STX1B: variants seen among roughly 807,000 people sequenced by gnomAD.
The protein encoded by STX1B is syntaxin 1B, also known as syntaxin-1B.
A neutral mutation model predicts 39.4 loss-of-function variants in STX1B; 7 were observed. The observed-to-expected ratio is 0.18, with a 90% confidence interval of 0.10 to 0.33. STX1B has a LOEUF of 0.33. Ranked by LOEUF, STX1B falls within the 10% of genes least tolerant of loss-of-function variation. STX1B has a pLI of 1.00. For missense variants in STX1B, 198 were observed against 383.2 expected (o/e 0.52, Z 4.04); for synonymous variants, 136 against 144.1 (o/e 0.94, Z 0.40).
At position 31,001,310 on chromosome 16, in the gene STX1B, G is replaced by A; in HGVS notation, c.106-117C>T. 9.5e-7 allele frequency: 1 copy of A among 1,050,748 alleles called. No individual in the cohort carries two copies. Among genetic ancestry groups the A allele is most frequent in the Non-Finnish European group, 1.4e-6 (1 of 699,348 alleles). 65.1% of individuals were successfully genotyped at this position (1,050,748 alleles called of 1,614,324 possible). On this transcript the variant is annotated intron_variant, in intron 2 of 9. Transcript: ENST00000215095. The surrounding 1 kb of genome is among the most constrained non-coding windows in gnomAD (Gnocchi z 5.5). ...CCCCAGAACGGCTGATAAAAGGCCA[G>A]GGAGGGTGCAGGAGCAGGGAAGTGG...
intron 6 of STX1B, 88 bp from the exon 7 acceptor site, chr16:30,996,844 C>A: frequency 1.3e-6 from 2 of 1,571,326 alleles, no homozygotes; most frequent in Non-Finnish European, 1.7e-6. Context: ...GGGGCCCACC[C>A]TCCCACGCCG....
Position 30,992,456 on chromosome 16 carries a change from C to T in STX1B, c.*365G>A. The T allele has an allele frequency of 4.0e-6, 1 of 248,358 alleles. No individual in the cohort carries two copies. Among genetic ancestry groups the T allele is most frequent in the Non-Finnish European group, 7.9e-6 (1 of 126,916 alleles). The allele number at this position is 248,358 out of a possible 1,614,324, so 15.4% of individuals were successfully genotyped here. ...CTTGGCTGCAGTCTACACAACAGCC[C>T]CGGTGAAGGGGGAAGCTCAGACCAC... On this transcript the variant is annotated 3_prime_UTR_variant, in exon 10 of 10. Transcript: ENST00000215095.
rs952197364 is a variant in STX1B at position 31,001,924 on chromosome 16, A to G, written c.31-321T>C. Reference sequence around the variant, plus strand: ...AACAACGGCTCAACGTCAGGCTTGCAGTAACTGACCCTGGGCTCCATGAAG... The same window carrying G: ...AACAACGGCTCAACGTCAGGCTTGCGGTAACTGACCCTGGGCTCCATGAAG... On this transcript the variant is annotated intron_variant, in intron 1 of 9. Coordinates refer to ENST00000215095, the MANE Select transcript of STX1B (RefSeq NM_052874.5). The surrounding 1 kb of genome is among the most constrained non-coding windows in gnomAD (Gnocchi z 5.5). Among the ~76,000 whole-genome samples, 1 of 152,128 alleles carries G rather than the reference A, an allele frequency of 6.6e-6. No individual in the cohort carries two copies. The highest frequency in any genetic ancestry group is 2.4e-5 in the African/African-American group (1 of 41,422).
At chr16:30,997,865 A>G (rs1191583936) in intron 4 of STX1B, among the ~76,000 whole-genome samples, 2 of 152,218 alleles carry the variant, frequency 1.3e-5, no homozygotes, top group African/African-American at 2.4e-5. Context: ...TGGGTCTTGG[A>G]AAGTCCCATC....
chr16:31,004,592 G>A (rs1329716553), intron 1 of STX1B, among the ~76,000 whole-genome samples: 4 of 151,848 alleles, frequency 2.6e-5, no homozygotes, highest in African/African-American at 4.8e-5. Context: ...GAGGATCCCC[G>A]GAGCTCAGGA....
Position 30,993,226 on chromosome 16 carries a change from G to A in STX1B, c.690C>T (p.Asp230=), listed in dbSNP as rs2056573021. The change falls in exon 9 of 10, where the codon GAC becomes GAT. Residue 230 remains aspartate, a synonymous_variant. Coordinates refer to ENST00000215095, the MANE Select transcript of STX1B (RefSeq NM_052874.5). ...MLVESQGEMI[D]RIEYNVEHSV... ...AATGTTCCACGTTGTACTCGATGCG[G>A]TCAATCATCTCTCCCTGCAGACAGA... is the stretch of plus-strand genomic sequence containing the variant. The A allele has an allele frequency of 2.5e-6, 4 of 1,614,092 alleles. No homozygotes were observed. Among genetic ancestry groups the A allele is most frequent in the Non-Finnish European group, 3.4e-6 (4 of 1,180,038 alleles).
intron 6 of STX1B, 64 bp downstream of exon 6, chr16:30,996,887 T>C (rs1596716744): frequency 6.4e-6 from 10 of 1,562,572 alleles, no homozygotes; most frequent in Non-Finnish European, 8.8e-6. Flanking sequence ...AGAGAGGAAA[T>C]GCCTGGAAGG....
At chr16:30,996,596 G>A (rs2056593324) in intron 7 of STX1B, 87 bp downstream of exon 7, 1 of 1,211,130 alleles carries the variant, frequency 8.3e-7, no homozygotes, top group Admixed American at 1.9e-5. Context: ...TTTTTCCAGG[G>A]TGGACTTAGG....
rs976130868 is a variant in STX1B, at chr16:30,995,034, C to T, written c.538-1550G>A. 2.0e-5 allele frequency among the ~76,000 whole-genome samples: 3 copies of T among 151,734 alleles called. No individual in the cohort carries two copies. The East Asian group carries it at 5.8e-4, about 29-fold the overall frequency. On this transcript the variant is annotated intron_variant, in intron 7 of 9. Coordinates refer to ENST00000215095, the MANE Select transcript of STX1B (RefSeq NM_052874.5). Reference sequence around the variant, plus strand: ...TCAGGCAATCCTTCCACCTTAGCCTCCCGAGTAGCTGGGACCACAGGCACA... The same window carrying T: ...TCAGGCAATCCTTCCACCTTAGCCTTCCGAGTAGCTGGGACCACAGGCACA...
In STX1B at chr16:31,010,377, T is replaced by A; in HGVS notation, c.20A>T (p.Glu7Val). 1 of 1,465,070 alleles carries A rather than the reference T, an allele frequency of 6.8e-7. No homozygotes were observed. Among genetic ancestry groups the A allele is most frequent in the East Asian group, 2.6e-5 (1 of 38,394 alleles). The allele number at this position is 1,465,070 out of a possible 1,614,324, so 90.8% of individuals were successfully genotyped here. A position where few individuals can be genotyped will look rare whatever the true frequency, so the allele number is the denominator to read the frequency against. ...CACCCCCAAGCTCACACTCCGCAGC[T>A]CTTGAGTCCGATCCTTCATCCTGCG... is the stretch of plus-strand genomic sequence containing the variant. Reference protein sequence around the residue: MKDRTQELRSAKDSDDE... With the variant: MKDRTQVLRSAKDSDDE... Residue 7 changes from glutamate (E) to valine (V), a missense_variant, in exon 1 of 10, where the codon GAG (glutamate) becomes GTG (valine). Coordinates refer to ENST00000215095, the MANE Select transcript of STX1B (RefSeq NM_052874.5).
Position 31,001,580 on chromosome 16 carries a change from C to T in STX1B, c.54G>A (p.Glu18=), listed in dbSNP as rs763031966. ...LRSAKDSDDE[E]EVVHVDRDHF... ...GGTCCCGATCCACGTGGACCACCTC[C>T]TCTTCATCATCACTGTCTTTCGCCT... The change falls in exon 2 of 10, where the codon GAG becomes GAA. Residue 18 remains glutamate (E), a synonymous_variant. Coordinates refer to ENST00000215095, the MANE Select transcript of STX1B (RefSeq NM_052874.5). This position sits in a 1 kb window ranked among gnomAD's most constrained non-coding sequence, Gnocchi z 5.5. The T allele has an allele frequency of 2.5e-6, 4 of 1,613,544 alleles. No individual in the cohort carries two copies. Among genetic ancestry groups the T allele is most frequent in the South Asian group, 1.1e-5 (1 of 91,074 alleles).
intron 4 of STX1B, among the ~76,000 whole-genome samples, chr16:31,000,612 C>A (rs1393323727): frequency 6.6e-6 from 1 of 152,062 alleles, no homozygotes; most frequent in Non-Finnish European, 1.5e-5. Flanking sequence ...CTGCCTCAGC[C>A]TCCTGAGTAG....
intron 5 of STX1B, 43 bp from the exon 6 acceptor site, chr16:30,997,102 A>G (rs1421092677): frequency 3.6e-6 from 5 of 1,389,710 alleles, no homozygotes; most frequent in Non-Finnish European, 4.1e-6. Flanking sequence ...GGAGGTAGTC[A>G]GGGATCAGGG....
chr16:30,997,700 C>T, intron 4 of STX1B, 125 bp from the exon 5 acceptor site: 1 of 894,898 alleles, frequency 1.1e-6, no homozygotes. Context: ...ATCCCCAGGG[C>T]GAGTTGCGGG....
intron 4 of STX1B, among the ~76,000 whole-genome samples, chr16:30,998,131 C>T (rs1192519193): frequency 6.6e-6 from 1 of 152,236 alleles, no homozygotes; most frequent in Non-Finnish European, 1.5e-5. Flanking sequence ...GTAAGGTGAT[C>T]CCCGATCCGG....
intron 4 of STX1B, 40 bp from the exon 5 acceptor site, chr16:30,997,615 G>A: frequency 3.2e-6 from 5 of 1,564,958 alleles, no homozygotes; most frequent in Non-Finnish European, 4.3e-6. Flanking sequence ...GGAGACCCGG[G>A]GCACATGGGG....
Position 31,001,594 on chromosome 16 carries a change from T to C in STX1B, c.40A>G (p.Ser14Gly), listed in dbSNP as rs1372043206. The C allele has an allele frequency of 6.2e-7, 1 of 1,613,366 alleles. No individual in the cohort carries two copies. The highest frequency in any genetic ancestry group is 8.5e-7 in the Non-Finnish European group (1 of 1,179,792). The part of the protein sequence containing the change: ...RTQELRSAKD[S>G]DDEEEVVHVD... ...TGGACCACCTCCTCTTCATCATCAC[T>C]GTCTTTCGCCTGGGGACAAGGAAGG... Residue 14 changes from serine to glycine, a missense_variant, in exon 2 of 10, where the codon AGT becomes GGT. Ser to Gly is a moderately conservative substitution (Grantham distance 56). Coordinates refer to ENST00000215095, the MANE Select transcript of STX1B (RefSeq NM_052874.5). The surrounding 1 kb of genome is among the most constrained non-coding windows in gnomAD (Gnocchi z 5.5).
chr16:30,989,508 T>G lies in STX1B; in HGVS notation c.*3313A>C, dbSNP rs984228695. 1.3e-5 allele frequency: 2 copies of G among 152,068 alleles called. No homozygotes were observed. Among genetic ancestry groups the G allele is most frequent in the East Asian group, 1.9e-4 (1 of 5,164 alleles). 9.4% of individuals were successfully genotyped at this position (152,068 alleles called of 1,614,324 possible). A position where few individuals can be genotyped will look rare whatever the true frequency, so the allele number is the denominator to read the frequency against. The stretch of plus-strand genomic sequence containing the variant: ...GCCAGGCCCCAGGAGTCCTGTCCCC[T>G]CTGAGAAGGGGAGGGAGAGAGCTCT... On this transcript the variant is annotated 3_prime_UTR_variant, in exon 10 of 10. Transcript: ENST00000215095.
At chr16:31,006,505 A>G (rs542436545) in intron 1 of STX1B, among the ~76,000 whole-genome samples, 21 of 152,212 alleles carry the variant, frequency 1.4e-4, no homozygotes, top group Non-Finnish European at 2.6e-4. Context: ...GGGAGCTGGC[A>G]TTCCAGTGGG....
Sources: gnomAD v4.1 joint callset for allele counts (sites outside exome capture counted in the v4.1 genomes callset) on GRCh38, gnomAD v4.1.1 for gene constraint, Gnocchi (gnomAD v3.1) non-coding constraint, MANE v1.5 for transcripts, NCBI Gene and HGNC (gene_info 2026-07-23, HGNC 2026-07-21) for gene names.